HECW1: variants seen among roughly 807,000 people sequenced by gnomAD.
HECW1 encodes the protein HECT, C2 and WW domain containing E3 ubiquitin protein ligase 1, also known as E3 ubiquitin-protein ligase HECW1.
A neutral mutation model predicts 182.3 loss-of-function variants in HECW1; 61 were observed. The ratio of observed to expected loss-of-function variants is 0.33; its 90% confidence interval spans 0.27 to 0.41. The LOEUF (loss-of-function observed/expected upper bound fraction) is 0.41, where lower values mean the gene tolerates loss of function less well. Ranked by LOEUF, HECW1 falls within the 10% of genes least tolerant of loss-of-function variation. The probability of loss-of-function intolerance (pLI) is 1.00; values close to 1 mark genes in which losing one functional copy is unlikely to be tolerated. For synonymous variants in HECW1, 859 were observed against 832.6 expected, an observed-to-expected ratio of 1.03 and a Z score of -0.55; for missense variants, 1,739 against 2,108.9, an observed-to-expected ratio of 0.82 and a Z score of 3.44.
At chr7:43,394,718 A>G (rs1259504666) in intron 6 of HECW1, among the ~76,000 whole-genome samples, 3 of 152,158 alleles carry the variant, frequency 2.0e-5, no homozygotes, top group Non-Finnish European at 4.4e-5. Context: ...TAACTGCCCA[A>G]AGGGTTCACC....
chr7:43,339,602 G>A (rs936645561), intron 5 of HECW1, among the ~76,000 whole-genome samples: 14 of 152,038 alleles, frequency 9.2e-5, no homozygotes, highest in African/African-American at 3.4e-4. Flanking sequence ...GCTGTACTTG[G>A]TAATTTTCTG....
At chr7:43,360,438 CAGG>C (rs960294053) in intron 5 of HECW1, among the ~76,000 whole-genome samples, 1 of 152,112 alleles carries the variant, frequency 6.6e-6, no homozygotes, top group African/African-American at 2.4e-5. Flanking sequence ...TTGATGGGTA[CAGG>C]AGTTTAGAAA....
chr7:43,301,774 C>T (rs900523736), intron 3 of HECW1, among the ~76,000 whole-genome samples: 4 of 151,560 alleles, frequency 2.6e-5, no homozygotes, highest in Admixed American at 2.6e-4. Context: ...ACTCGGGAGG[C>T]TGAAGCAGGA....
chr7:43,448,825 G>C (rs934581954), intron 11 of HECW1, among the ~76,000 whole-genome samples: 1 of 152,184 alleles, frequency 6.6e-6, no homozygotes, highest in Non-Finnish European at 1.5e-5. Context: ...GACGTTGCTT[G>C]CTTTTAGCTG....
At chr7:43,167,600 G>A (rs1295273151) in intron 2 of HECW1, among the ~76,000 whole-genome samples, 1 of 152,174 alleles carries the variant, frequency 6.6e-6, no homozygotes, top group Non-Finnish European at 1.5e-5. Flanking sequence ...GCATGCTGGG[G>A]CAGGTTTCAA....
At chr7:43,299,235 A>T (rs1221271931) in intron 3 of HECW1, among the ~76,000 whole-genome samples, 1 of 152,226 alleles carries the variant, frequency 6.6e-6, no homozygotes, top group Admixed American at 6.5e-5. Flanking sequence ...CATGGAATTT[A>T]ATGTGAACCT....
chr7:43,385,159 C>A (rs1226383713), intron 6 of HECW1, among the ~76,000 whole-genome samples: 2 of 149,398 alleles, frequency 1.3e-5, no homozygotes, highest in African/African-American at 4.9e-5. Flanking sequence ...AATCGGTCAC[C>A]AAGTTCTATC....
intron 2 of HECW1, among the ~76,000 whole-genome samples, chr7:43,133,827 G>A (rs912110766): frequency 4.6e-5 from 7 of 151,832 alleles, no homozygotes; most frequent in African/African-American, 1.2e-4. Flanking sequence ...GTTTTCATGA[G>A]TGTCTTTTAC....
chr7:43,171,226 A>G (rs985621322), intron 2 of HECW1, among the ~76,000 whole-genome samples: 1 of 151,932 alleles, frequency 6.6e-6, no homozygotes, highest in Admixed American at 6.6e-5. Flanking sequence ...GGAGTTCCAT[A>G]TATTCTGAGT....
chr7:43,374,162 T>C (rs2074226532), intron 6 of HECW1, among the ~76,000 whole-genome samples: 1 of 152,234 alleles, frequency 6.6e-6, no homozygotes, highest in Non-Finnish European at 1.5e-5. Flanking sequence ...ACTCATTTCA[T>C]ATAAAAAGTA....
intron 8 of HECW1, among the ~76,000 whole-genome samples, chr7:43,409,400 G>T (rs1281327081): frequency 6.6e-6 from 1 of 152,222 alleles, no homozygotes; most frequent in Admixed American, 6.5e-5. Context: ...TGGGGGGAAA[G>T]GCTTCTCTCT....
intron 26 of HECW1, among the ~76,000 whole-genome samples, chr7:43,545,734 G>A (rs919868009): frequency 5.9e-5 from 9 of 152,012 alleles, no homozygotes; most frequent in Non-Finnish European, 5.9e-5. Flanking sequence ...TATTCATTGA[G>A]TGGAAGTGGA....
intron 2 of HECW1, among the ~76,000 whole-genome samples, chr7:43,116,400 C>T (rs767043373): frequency 6.6e-6 from 1 of 152,198 alleles, no homozygotes; most frequent in Non-Finnish European, 1.5e-5. Context: ...TCTCTAAGTC[C>T]TGGTTCTATC....
chr7:43,197,840 A>G (rs1296021380), intron 2 of HECW1, among the ~76,000 whole-genome samples: 1 of 152,094 alleles, frequency 6.6e-6, no homozygotes, highest in Non-Finnish European at 1.5e-5. Flanking sequence ...CAAGATGGCG[A>G]CAGCAGAGCA....
At chr7:43,448,345 A>G (rs1013035298) in intron 11 of HECW1, among the ~76,000 whole-genome samples, 2 of 152,338 alleles carry the variant, frequency 1.3e-5, no homozygotes, top group African/African-American at 4.8e-5. Context: ...AATTTAAAAT[A>G]GTTCTTGAAA....
rs1470597081 is a variant in HECW1 at position 43,432,106 on chromosome 7, G to A, written c.802-5897G>A. On this transcript the variant is annotated intron_variant, in intron 8 of 29. Transcript: ENST00000395891. The surrounding 1 kb of genome is among the most constrained non-coding windows in gnomAD (Gnocchi z 4.1). The stretch of plus-strand genomic sequence containing the variant: ...GCCTTCCAAAGTGCTGGGATTACAG[G>A]CATGAGCCACTGCACCCGGCCAGTT... Among the ~76,000 whole-genome samples the A allele has an allele frequency of 6.6e-6, 1 of 151,766 alleles. No homozygotes were observed. The highest frequency in any genetic ancestry group is 6.6e-5 in the Admixed American group (1 of 15,244).
intron 8 of HECW1, among the ~76,000 whole-genome samples, chr7:43,423,401 G>T (rs1367842669): frequency 1.3e-5 from 2 of 152,206 alleles, no homozygotes; most frequent in Non-Finnish European, 2.9e-5. Flanking sequence ...CTGTTTACGT[G>T]GGGTGGGAGA....
At chr7:43,147,822 C>A (rs570435066) in intron 2 of HECW1, among the ~76,000 whole-genome samples, 3 of 152,206 alleles carry the variant, frequency 2.0e-5, no homozygotes, top group South Asian at 4.2e-4. Context: ...GTTAATTGCA[C>A]CGTCTAGTTT....
chr7:43,119,680 AC>A (rs2152600851), intron 2 of HECW1, among the ~76,000 whole-genome samples: 1 of 141,148 alleles, frequency 7.1e-6, no homozygotes, highest in East Asian at 2.3e-4. Flanking sequence ...GCAAAATACA[AC>A]CCCCGATTTT....
Sources: allele counts gnomAD v4.1 joint callset (sites outside exome capture counted in the v4.1 genomes callset), GRCh38; gene constraint gnomAD v4.1.1; non-coding constraint Gnocchi (gnomAD v3.1); transcripts MANE v1.5; gene names NCBI Gene and HGNC (gene_info 2026-07-23, HGNC 2026-07-21).